The following STPG2 variants were observed in gnomAD, a reference collection of about 807,000 sequenced individuals.
STPG2 encodes sperm tail PG-rich repeat containing 2.
A neutral mutation model predicts 54.2 loss-of-function variants in STPG2; 56 were observed. The ratio of observed to expected loss-of-function variants is 1.03; its 90% CI spans 0.83 to 1.29. STPG2 has a LOEUF of 1.29. Among genes scored for constraint, STPG2 ranks in the 50% most tolerant of loss-of-function variants. The pLI, the probability that STPG2 is intolerant of heterozygous loss-of-function variation, is 0.00. For synonymous variants in STPG2, 200 were observed against 181.8 expected, an observed-to-expected ratio of 1.10 and a Z score of -0.81; for missense variants, 596 against 544.9, an observed-to-expected ratio of 1.09 and a Z score of -0.93.
intron 10 of STPG2, among the ~76,000 whole-genome samples, chr4:97,565,774 G>C (rs1214457391): frequency 6.6e-6 from 1 of 152,168 alleles, no homozygotes; most frequent in East Asian, 1.9e-4. Flanking sequence ...GAATGCTGCT[G>C]TCTGATCGTT....
At chr4:97,884,386 C>T (rs1044187217) in intron 8 of STPG2, among the ~76,000 whole-genome samples, 3 of 151,994 alleles carry the variant, frequency 2.0e-5, no homozygotes, top group African/African-American at 4.8e-5. Context: ...TAAAGGAAGG[C>T]CCTAATCCAA....
intron 8 of STPG2, among the ~76,000 whole-genome samples, chr4:97,923,092 G>C (rs1732171779): frequency 6.6e-6 from 1 of 152,216 alleles, no homozygotes; most frequent in South Asian, 2.1e-4. Flanking sequence ...CAGCGTGCTG[G>C]CAGCCCTCGC....
intron 6 of STPG2, among the ~76,000 whole-genome samples, chr4:97,976,338 C>A (rs1303005136): frequency 6.6e-6 from 1 of 152,154 alleles, no homozygotes; most frequent in Non-Finnish European, 1.5e-5. Context: ...AATCTATCTC[C>A]CTTCTGGCTC....
At chr4:98,132,083 TA>T (rs1191806395) in intron 2 of STPG2, among the ~76,000 whole-genome samples, 3 of 152,174 alleles carry the variant, frequency 2.0e-5, no homozygotes, top group Admixed American at 1.3e-4. Flanking sequence ...ATTTTTAACT[TA>T]TATTATTTAT....
chr4:97,826,538 A>C (rs993583366), intron 9 of STPG2, among the ~76,000 whole-genome samples: 1 of 152,198 alleles, frequency 6.6e-6, no homozygotes, highest in African/African-American at 2.4e-5. Context: ...AAAATTGTAA[A>C]AGGTTATAAA....
At chr4:97,463,258 T>G (rs1430199996) in intron 4 of STPG2, among the ~76,000 whole-genome samples, 1 of 152,186 alleles carries the variant, frequency 6.6e-6, no homozygotes, top group African/African-American at 2.4e-5. Context: ...CAGTTGTACC[T>G]AGCCACTACA....
At chr4:97,599,275 A>C (rs1230935218) in intron 10 of STPG2, among the ~76,000 whole-genome samples, 1 of 152,210 alleles carries the variant, frequency 6.6e-6, no homozygotes, top group Non-Finnish European at 1.5e-5. Context: ...GAGAAAAGGC[A>C]GTGCTTATAC....
At chr4:97,994,530 G>A (rs987686169) in intron 5 of STPG2, among the ~76,000 whole-genome samples, 19 of 152,118 alleles carry the variant, frequency 1.2e-4, no homozygotes, top group African/African-American at 4.6e-4. Flanking sequence ...CTATCCCCTA[G>A]GGATGTGGCT....
intron 10 of STPG2, among the ~76,000 whole-genome samples, chr4:97,583,927 T>TG (rs1560672220): frequency 6.6e-6 from 1 of 151,726 alleles, no homozygotes; most frequent in African/African-American, 2.4e-5. Context: ...ACAATAGTAG[T>TG]GGGGGGCTTC....
At chr4:97,580,764 G>T (rs1319396618) in intron 10 of STPG2, among the ~76,000 whole-genome samples, 1 of 151,978 alleles carries the variant, frequency 6.6e-6, no homozygotes, top group Non-Finnish European at 1.5e-5. Context: ...GGTTGGGTCA[G>T]TTAACAAAAT....
At chr4:97,688,696 T>C (rs1487171897) in intron 10 of STPG2, among the ~76,000 whole-genome samples, 1 of 152,198 alleles carries the variant, frequency 6.6e-6, no homozygotes, top group Non-Finnish European at 1.5e-5. Flanking sequence ...CACATGTTTC[T>C]CTGATCTTTC....
chr4:97,931,788 AT>A (rs1301555360), intron 8 of STPG2, among the ~76,000 whole-genome samples: 9 of 151,580 alleles, frequency 5.9e-5, no homozygotes, highest in African/African-American at 2.2e-4. Context: ...CTTCTCCTCA[AT>A]TTTTTTTAAT....
chr4:97,830,626 A>T (rs766978183), intron 9 of STPG2, among the ~76,000 whole-genome samples: 7 of 152,102 alleles, frequency 4.6e-5, no homozygotes, highest in Admixed American at 1.3e-4. Flanking sequence ...TATTCAGGAG[A>T]CCCATCTCAC....
chr4:97,466,383 C>A (rs1303222994), intron 4 of STPG2, among the ~76,000 whole-genome samples: 4 of 151,948 alleles, frequency 2.6e-5, no homozygotes, highest in Non-Finnish European at 5.9e-5. Flanking sequence ...AGTATGGTTT[C>A]TTGAACTATA....
At chr4:97,780,872 T>C (rs1199584405) in intron 9 of STPG2, among the ~76,000 whole-genome samples, 1 of 152,078 alleles carries the variant, frequency 6.6e-6, no homozygotes, top group Non-Finnish European at 1.5e-5. Context: ...AAAGATGTTC[T>C]TTGAAACCAA....
At chr4:97,830,658 C>G (rs752763442) in intron 9 of STPG2, among the ~76,000 whole-genome samples, 5 of 151,904 alleles carry the variant, frequency 3.3e-5, no homozygotes. Context: ...CACATAGGCT[C>G]AAAATAAAGG....
At chr4:97,555,476 A>G (rs574534887), downstream of STPG2, among the ~76,000 whole-genome samples, 3 of 152,278 alleles carry the variant, frequency 2.0e-5, no homozygotes, top group South Asian at 6.2e-4. Context: ...TGAAATTTCT[A>G]TAAGATTAAT....
intron 4 of STPG2, among the ~76,000 whole-genome samples, chr4:97,485,172 C>T (rs1730322394): frequency 6.6e-6 from 1 of 151,804 alleles, no homozygotes; most frequent in African/African-American, 2.4e-5. Flanking sequence ...ACTCTCACCA[C>T]TCCACTTCAA....
intron 9 of STPG2, among the ~76,000 whole-genome samples, chr4:97,739,288 A>T (rs1347918874): frequency 6.6e-6 from 1 of 152,194 alleles, no homozygotes; most frequent in Non-Finnish European, 1.5e-5. Flanking sequence ...ACACCCTAAC[A>T]TCACAATTAA....
Sources: allele counts gnomAD v4.1 joint callset (sites outside exome capture counted in the v4.1 genomes callset), GRCh38; gene constraint gnomAD v4.1.1; transcripts MANE v1.5; gene names NCBI Gene and HGNC (gene_info 2026-07-23, HGNC 2026-07-21).